AQP9: variants seen among roughly 807,000 people sequenced by gnomAD.
AQP9 encodes the protein aquaporin 9.
AQP9 carries 19 observed loss-of-function variants against 23.8 expected under a neutral mutation model. The ratio of observed to expected loss-of-function variants is 0.80; its 90% CI spans 0.56 to 1.17. AQP9 has a LOEUF of 1.17. Among genes scored for constraint, AQP9 ranks in the 50% most tolerant of loss-of-function variants. The pLI, the probability that AQP9 is intolerant of heterozygous loss-of-function variation, is 0.00. For missense variants in AQP9, 413 were observed against 362.0 expected (o/e 1.14, Z -1.14); for synonymous variants, 153 against 131.5 (o/e 1.16, Z -1.12).
chr15:58,149,578 A>G (rs1460420295), intron 1 of AQP9, among the ~76,000 whole-genome samples: 1 of 152,216 alleles, frequency 6.6e-6, no homozygotes, highest in Non-Finnish European at 1.5e-5. Flanking sequence ...CAACTCACAA[A>G]ATTTACTCAA....
intron 5 of AQP9, among the ~76,000 whole-genome samples, chr15:58,182,307 G>A (rs749864283): frequency 1.3e-5 from 2 of 152,112 alleles, no homozygotes; most frequent in African/African-American, 4.8e-5. Context: ...ACATGTTCCT[G>A]GCATCTCCCG....
At chr15:58,175,127 G>A in intron 4 of AQP9, 91 bp downstream of exon 4, 1 of 1,182,012 alleles carries the variant, frequency 8.5e-7, no homozygotes, top group Non-Finnish European at 1.2e-6. Context: ...CAATCAGAAA[G>A]GAGAGATTAT....
At chr15:58,168,010 C>T (rs1216054545) in intron 2 of AQP9, among the ~76,000 whole-genome samples, 1 of 152,098 alleles carries the variant, frequency 6.6e-6, no homozygotes, top group Admixed American at 6.5e-5. Flanking sequence ...CAAGTGTAAG[C>T]CACCGCACCC....
chr15:58,176,141 A>G (rs1305707310), intron 4 of AQP9, among the ~76,000 whole-genome samples: 2 of 152,198 alleles, frequency 1.3e-5, no homozygotes, highest in African/African-American at 2.4e-5. Context: ...ATAATATGAG[A>G]AAAACGCATT....
intron 1 of AQP9, among the ~76,000 whole-genome samples, chr15:58,164,909 T>C (rs1898465737): frequency 6.6e-6 from 1 of 152,220 alleles, no homozygotes; most frequent in African/African-American, 2.4e-5. Flanking sequence ...TTTCATATTT[T>C]AGTTTTAGAC....
intron 2 of AQP9, among the ~76,000 whole-genome samples, chr15:58,167,044 G>A (rs1278692925): frequency 6.6e-6 from 1 of 152,200 alleles, no homozygotes; most frequent in East Asian, 1.9e-4. Context: ...TCATTCCTAA[G>A]TCTGGCCGCT....
intron 1 of AQP9, among the ~76,000 whole-genome samples, chr15:58,162,999 T>C (rs10518966): frequency 0.45 from 68,902 of 152,056 alleles, 17,415 homozygotes; most frequent in Admixed American, 0.61. Context: ...TTGTGTGATA[T>C]TCAGAGTTAC....
Position 58,173,185 on chromosome 15 carries a change from C to A in AQP9, c.356C>A (p.Thr119Asn). Residue 119 changes from threonine (T) to asparagine (N), a missense_variant, in exon 3 of 6, where the codon ACC becomes AAC. Physicochemically the swap from Thr to Asn is moderately conservative, Grantham distance 65. Coordinates refer to ENST00000219919, the MANE Select transcript of AQP9 (RefSeq NM_020980.5). ...TTGGGAGCCTTTGTGGGGGCTGCAACCGTCTTTGGCATTTACTATGGTGAG... is the reference window on the plus strand; with the variant it reads ...TTGGGAGCCTTTGTGGGGGCTGCAAACGTCTTTGGCATTTACTATGGTGAG... Reference protein sequence around the residue: ...QFLGAFVGAATVFGIYYDGLM... With the variant: ...QFLGAFVGAANVFGIYYDGLM... 1 of 1,614,120 alleles carries A rather than the reference C, an allele frequency of 6.2e-7. No homozygotes were observed.
intron 3 of AQP9, among the ~76,000 whole-genome samples, chr15:58,174,290 GA>G (rs1353284910): frequency 9.1e-6 from 1 of 110,308 alleles, no homozygotes; most frequent in African/African-American, 3.5e-5. Flanking sequence ...CTCCAAAGAA[GA>G]AAAAAAAGAA....
rs1034209927 is a variant in AQP9, at chr15:58,184,935, G to A, written c.*800G>A. The A allele has an allele frequency of 1.3e-5, 2 of 151,728 alleles. No individual in the cohort carries two copies. The highest frequency in any genetic ancestry group is 2.4e-5 in the African/African-American group (1 of 41,352). 9.4% of individuals were successfully genotyped at this position (151,728 alleles called of 1,614,324 possible). A position where few individuals can be genotyped will look rare whatever the true frequency, so the allele number is the denominator to read the frequency against. On this transcript the variant is annotated 3_prime_UTR_variant, in exon 6 of 6. Transcript: ENST00000219919. ...ATCACTCTGTCTTTTTAGCTCAAAT[G>A]TATTTTCCTAATTGCCCACTTGAGA...
At chr15:58,143,989 C>A (rs1404284123) in intron 1 of AQP9, among the ~76,000 whole-genome samples, 3 of 152,186 alleles carry the variant, frequency 2.0e-5, no homozygotes, top group Non-Finnish European at 1.5e-5. Flanking sequence ...ACTCAACCAT[C>A]CTTGATATCA....
At chr15:58,138,869 T>C in intron 1 of AQP9, 193 bp downstream of exon 1, 1 of 529,646 alleles carries the variant, frequency 1.9e-6, no homozygotes, top group East Asian at 3.2e-5. Flanking sequence ...CAATTACCTA[T>C]TGCATTTACC....
intron 2 of AQP9, among the ~76,000 whole-genome samples, chr15:58,169,834 TG>T (rs1199821128): frequency 1.3e-5 from 2 of 152,250 alleles, no homozygotes; most frequent in African/African-American, 2.4e-5. Context: ...TTGCTATTGA[TG>T]TAGTATTTTA....
intron 1 of AQP9, among the ~76,000 whole-genome samples, chr15:58,157,762 A>G (rs1898294053): frequency 6.6e-6 from 1 of 152,184 alleles, no homozygotes; most frequent in Admixed American, 6.5e-5. Flanking sequence ...CATCTAACGG[A>G]AGTTGTCTGT....
At chr15:58,147,377 ATGGTT>A (rs1898065618) in intron 1 of AQP9, among the ~76,000 whole-genome samples, 1 of 152,172 alleles carries the variant, frequency 6.6e-6, no homozygotes, top group South Asian at 2.1e-4. Context: ...CAACCCACAG[ATGGTT>A]CAAATGGCTG....
intron 5 of AQP9, among the ~76,000 whole-genome samples, 160 bp downstream of exon 5, chr15:58,179,505 T>C (rs909986566): frequency 3.1e-4 from 37 of 118,000 alleles, no homozygotes; most frequent in Admixed American, 7.4e-4. Context: ...TATTTTGTGG[T>C]ATGATGTGTG....
chr15:58,138,664 G>A lies in AQP9; in HGVS notation c.99G>A (p.Thr33=), dbSNP rs139221402. 9.8e-5 allele frequency: 158 copies of A among 1,613,546 alleles called. No individual in the cohort carries two copies. Among genetic ancestry groups the A allele is most frequent in the Non-Finnish European group, 1.2e-4 (143 of 1,179,580 alleles). ...AKETLSEFLG[T]FILIVLGCGC... ...AAACCCTCTCTGAGTTCTTGGGCAC[G>A]TTCATCTTGATTGTAAGTATTTCCT... Residue 33 remains threonine (T), a synonymous_variant, in exon 1 of 6, where the codon ACG becomes ACA. Coordinates refer to ENST00000219919, the MANE Select transcript of AQP9 (RefSeq NM_020980.5).
intron 2 of AQP9, among the ~76,000 whole-genome samples, chr15:58,167,225 T>C (rs1898528948): frequency 6.6e-6 from 1 of 152,220 alleles, no homozygotes; most frequent in Non-Finnish European, 1.5e-5. Context: ...GCAAAATGGA[T>C]GGTGCTTTCA....
intron 1 of AQP9, among the ~76,000 whole-genome samples, chr15:58,162,328 T>C (rs1477475831): frequency 3.3e-5 from 5 of 152,220 alleles, no homozygotes; most frequent in Non-Finnish European, 5.9e-5. Context: ...CTCCACTTAT[T>C]GCAATGCCTG....
Sources: allele counts gnomAD v4.1 joint callset (sites outside exome capture counted in the v4.1 genomes callset), GRCh38; gene constraint gnomAD v4.1.1; transcripts MANE v1.5; gene names NCBI Gene and HGNC (gene_info 2026-07-23, HGNC 2026-07-21).